The following SP140 variants were observed in gnomAD, a reference collection of about 807,000 sequenced individuals.
SP140 encodes the protein SP140 nuclear body protein, also known as nuclear body protein SP140.
Under a neutral mutation model 125.0 loss-of-function variants are expected in SP140, and 81 were observed. The ratio of observed to expected loss-of-function variants is 0.65; its 90% CI spans 0.54 to 0.78. SP140 has a LOEUF of 0.78. Ranked by LOEUF, SP140 falls within the 30% of genes least tolerant of loss-of-function variation. The pLI, the probability that SP140 is intolerant of heterozygous loss-of-function variation, is 0.00. For synonymous variants in SP140, 312 were observed against 354.0 expected (o/e 0.88, Z 1.33); for missense variants, 858 against 1,037.0 (o/e 0.83, Z 2.37).
At position 230,288,099 on chromosome 2, in the gene SP140, C is replaced by T. The variant is rs1372675346; in HGVS notation, c.1720+133C>T. ...TGTACTAACTAGTGAGAAATGTATC[C>T]TATTTAGTCATTTTCCAAAATGTGT... On this transcript the variant is annotated intron_variant, in intron 18 of 26. Transcript: ENST00000392045. 6.8e-6 allele frequency: 5 copies of T among 737,748 alleles called. No homozygotes were observed. In the African/African-American group the frequency reaches 9.1e-5, roughly 13 times the overall value. The allele number at this position is 737,748 out of a possible 1,614,324, so 45.7% of individuals were successfully genotyped here.
At chr2:230,276,247 CCACAGAACAGGCTGAGTCTCTTGTTAGAA>C (rs1045477644) in intron 15 of SP140, among the ~76,000 whole-genome samples, 1 of 152,116 alleles carries the variant, frequency 6.6e-6, no homozygotes, top group Non-Finnish European at 1.5e-5. Flanking sequence ...TTTCAAAGCT[CCACAGAACAGGCTGAGTCTCTTGTTAGAA>C]GCTAAGGCAG....
At chr2:230,230,219 G>A (rs534688251) in intron 1 of SP140, among the ~76,000 whole-genome samples, 2 of 152,156 alleles carry the variant, frequency 1.3e-5, no homozygotes, top group Non-Finnish European at 2.9e-5. Context: ...GGGAAGTGCT[G>A]ATTGCTTAGG....
At chr2:230,217,504 G>A (rs1308664438) in intron 3 of SP140, among the ~76,000 whole-genome samples, 1 of 152,200 alleles carries the variant, frequency 6.6e-6, no homozygotes, top group African/African-American at 2.4e-5. Flanking sequence ...GGTATTAAAA[G>A]TAGCTAATAT....
chr2:230,264,908 T>G (rs1217176899), intron 12 of SP140, among the ~76,000 whole-genome samples: 1 of 152,012 alleles, frequency 6.6e-6, no homozygotes, highest in Non-Finnish European at 1.5e-5. Flanking sequence ...TGGGGGTCCT[T>G]TGGTGGTTTA....
At chr2:230,313,326 T>G (rs1030854430), downstream of SP140, 1 of 152,354 alleles carries the variant, frequency 6.6e-6, no homozygotes, top group African/African-American at 2.4e-5. Context: ...TGGCACCATC[T>G]CCTCTTCTGG....
In SP140 at chr2:230,211,334, C is replaced by A; in HGVS notation, c.-322-2320C>A. The A allele has an allele frequency of 1.4e-6, 1 of 718,042 alleles. No individual in the cohort carries two copies. Among genetic ancestry groups the A allele is most frequent in the East Asian group, 2.6e-5 (1 of 38,618 alleles). The allele number at this position is 718,042 out of a possible 1,614,324, so 44.5% of individuals were successfully genotyped here. A position where few individuals can be genotyped will look rare whatever the true frequency, so the allele number is the denominator to read the frequency against. ...TCCTGCCTGTTCAAGCTCCCAAGTG[C>A]TGGGTGAACTGGAAGCTGGGCCAAG... On this transcript the variant is annotated intron_variant, in intron 1 of 4. Transcript: ENST00000456542. This position sits in a 1 kb window ranked among gnomAD's most constrained non-coding sequence, Gnocchi z 4.2.
chr2:230,213,389 T>A (rs898469973), intron 1 of SP140, among the ~76,000 whole-genome samples: 7 of 152,216 alleles, frequency 4.6e-5, no homozygotes, highest in African/African-American at 1.7e-4. Flanking sequence ...GGTCTCTGTT[T>A]TAATAAATAA....
chr2:230,272,505 A>G (rs2054079592), intron 15 of SP140, among the ~76,000 whole-genome samples: 3 of 152,142 alleles, frequency 2.0e-5, no homozygotes, highest in African/African-American at 2.4e-5. Context: ...TAATAGTTTT[A>G]TAAGGGGGAG....
chr2:230,295,396 G>A (rs1260151189), intron 21 of SP140, among the ~76,000 whole-genome samples: 1 of 152,314 alleles, frequency 6.6e-6, no homozygotes, highest in East Asian at 1.9e-4. Context: ...AAACTATGAT[G>A]TCACCTATTC....
At chr2:230,304,217 A>G (rs1201047503) in intron 22 of SP140, among the ~76,000 whole-genome samples, 1 of 152,230 alleles carries the variant, frequency 6.6e-6, no homozygotes, top group African/African-American at 2.4e-5. Flanking sequence ...TACCTCTACA[A>G]GGAAAACTAC....
At position 230,288,469 on chromosome 2, in the gene SP140, C is replaced by CT. The variant is rs761145670; in HGVS notation, c.1720+506dup. Reference sequence around the variant, plus strand: ...TTAGGCCAACTATCTTTCTTTCTTTCTTTCTTTCTTTCTTTCTTTCTTTCT... The same window carrying CT: ...TTAGGCCAACTATCTTTCTTTCTTTCTTTTCTTTCTTTCTTTCTTTCTTTCT... On this transcript the variant is annotated intron_variant, in intron 18 of 26. Transcript: ENST00000392045. Among the ~76,000 whole-genome samples, 147 of 97,872 alleles carry CT rather than the reference C, an allele frequency of 1.5e-3. 2 individuals are homozygous for CT. The highest frequency in any genetic ancestry group is 5.8e-3 in the Middle Eastern group (1 of 172). The allele number at this position is 97,872 out of a possible 152,430, so 64.2% of individuals were successfully genotyped here.
At chr2:230,239,278 G>C (rs1053747680) in intron 3 of SP140, among the ~76,000 whole-genome samples, 1 of 152,128 alleles carries the variant, frequency 6.6e-6, no homozygotes, top group Non-Finnish European at 1.5e-5. Flanking sequence ...AGTCCTGAAT[G>C]CTTAAGTCCC....
chr2:230,230,123 G>A (rs772571017), intron 1 of SP140, among the ~76,000 whole-genome samples: 55 of 152,100 alleles, frequency 3.6e-4, no homozygotes, highest in Non-Finnish European at 5.4e-4. Context: ...CAGCCAAGCG[G>A]GAGATGTTTC....
chr2:230,225,341 A>G (rs1048955909), upstream of SP140, among the ~76,000 whole-genome samples: 1 of 152,014 alleles, frequency 6.6e-6, no homozygotes, highest in Non-Finnish European at 1.5e-5. Context: ...AATGCATGCT[A>G]TTTCAGTTCT....
chr2:230,219,417 C>T (rs1177509121), intron 3 of SP140: 2 of 152,172 alleles, frequency 1.3e-5, no homozygotes, highest in African/African-American at 4.8e-5. Flanking sequence ...ACATGTGCTC[C>T]TTTGAATTTC....
intron 14 of SP140, 108 bp downstream of exon 14, chr2:230,270,061 T>C: frequency 1.4e-6 from 1 of 736,156 alleles, no homozygotes; most frequent in Non-Finnish European, 2.4e-6. Context: ...ATTCTCCGCA[T>C]TTGCTTGACC....
At chr2:230,289,897 T>G (rs1210495935) in intron 18 of SP140, among the ~76,000 whole-genome samples, 1 of 152,106 alleles carries the variant, frequency 6.6e-6, no homozygotes, top group Admixed American at 6.5e-5. Flanking sequence ...CCATATAATT[T>G]TCAGATTATT....
At chr2:230,303,700 T>A (rs1164238465) in intron 22 of SP140, among the ~76,000 whole-genome samples, 1 of 152,138 alleles carries the variant, frequency 6.6e-6, no homozygotes, top group Non-Finnish European at 1.5e-5. Context: ...TTTGACAAAA[T>A]CCAGCACCTT....
chr2:230,277,267 C>T (rs2054851340), intron 15 of SP140, among the ~76,000 whole-genome samples: 1 of 152,142 alleles, frequency 6.6e-6, no homozygotes, highest in Non-Finnish European at 1.5e-5. Flanking sequence ...CCACCCTAGT[C>T]AGTCAGTAGC....
Sources: gnomAD v4.1 joint callset for allele counts (sites outside exome capture counted in the v4.1 genomes callset) on GRCh38, gnomAD v4.1.1 for gene constraint, Gnocchi (gnomAD v3.1) non-coding constraint, MANE v1.5 for transcripts, NCBI Gene and HGNC (gene_info 2026-07-23, HGNC 2026-07-21) for gene names.